Variants in GAD2 observed in about 807,000 individuals in gnomAD.
The protein encoded by GAD2 is 65 kDa glutamic acid decarboxylase.
Under a neutral mutation model 80.1 loss-of-function variants are expected in GAD2, and 22 were observed. The observed-to-expected ratio is 0.27, with a 90% CI of 0.20 to 0.39. GAD2 has a LOEUF of 0.39. Ranked by LOEUF, GAD2 falls within the 10% of genes least tolerant of loss-of-function variation. The pLI, the probability that GAD2 is intolerant of heterozygous loss-of-function variation, is 1.00. For synonymous variants in GAD2, 274 were observed against 256.9 expected (o/e 1.07, Z -0.64); for missense variants, 624 against 738.4 (o/e 0.85, Z 1.80).
intron 15 of GAD2, among the ~76,000 whole-genome samples, chr10:26,298,225 G>A (rs61839388): frequency 0.22 from 34,133 of 152,044 alleles, 4,188 homozygotes; most frequent in African/African-American, 0.32. Flanking sequence ...GCCAGGCCTT[G>A]AACCCTGGAC....
Position 26,256,691 on chromosome 10 carries a change from T to C in GAD2, c.920+10691T>C, listed in dbSNP as rs573208624. On this transcript the variant is annotated intron_variant, in intron 8 of 15. Coordinates refer to ENST00000376261, the MANE Select transcript of GAD2 (RefSeq NM_001134366.2). ...GCTTAGGACTTTCAGGAGGTGAAGT[T>C]TGGCTTTCTTGAGTGCATCTCATCT... Among the ~76,000 whole-genome samples the C allele has an allele frequency of 2.0e-5, 3 of 152,360 alleles. No homozygotes were observed. In the East Asian group the frequency reaches 5.8e-4, roughly 29 times the overall value.
At chr10:26,226,048 C>A (rs1326670444) in intron 6 of GAD2, among the ~76,000 whole-genome samples, 5 of 152,082 alleles carry the variant, frequency 3.3e-5, no homozygotes, top group African/African-American at 1.2e-4. Context: ...TTGATCTGTC[C>A]CTGAGATGAA....
intron 4 of GAD2, 46 bp downstream of exon 4, chr10:26,219,322 T>C: frequency 8.3e-7 from 1 of 1,211,162 alleles, no homozygotes; most frequent in East Asian, 2.5e-5. Context: ...CGTTTACAAT[T>C]TTTATTTTAT....
intron 8 of GAD2, among the ~76,000 whole-genome samples, chr10:26,259,988 A>C (rs1282357778): frequency 6.6e-6 from 1 of 152,178 alleles, no homozygotes; most frequent in African/African-American, 2.4e-5. Flanking sequence ...AAATAAAAGA[A>C]CCTAGATATA....
intron 7 of GAD2, among the ~76,000 whole-genome samples, chr10:26,234,020 A>G (rs1844638725): frequency 6.6e-6 from 1 of 151,982 alleles, no homozygotes; most frequent in African/African-American, 2.4e-5. Flanking sequence ...AATATCAACC[A>G]ACTTTAAAAA....
chr10:26,225,741 GT>G (rs1394155273), intron 6 of GAD2, among the ~76,000 whole-genome samples: 1 of 152,216 alleles, frequency 6.6e-6, no homozygotes, highest in Non-Finnish European at 1.5e-5. Context: ...TATTTTATGT[GT>G]TTAAATATAT....
intron 3 of GAD2, among the ~76,000 whole-genome samples, chr10:26,218,542 C>CTG (rs1016145558): frequency 9.0e-5 from 9 of 99,792 alleles, no homozygotes; most frequent in Admixed American, 6.9e-4. Context: ...TACGCTCTCT[C>CTG]TCTCTCTCTC....
chr10:26,254,374 C>T (rs1338385569), intron 8 of GAD2, among the ~76,000 whole-genome samples: 1 of 152,224 alleles, frequency 6.6e-6, no homozygotes, highest in African/African-American at 2.4e-5. Flanking sequence ...GGTTCCTGCT[C>T]CTATGAGAAT....
chr10:26,304,089 A>T lies in GAD2; in HGVS notation c.*3128A>T, dbSNP rs1264158169. The T allele has an allele frequency of 6.6e-6, 1 of 152,232 alleles. No individual in the cohort carries two copies. The highest frequency in any genetic ancestry group is 1.5e-5 in the Non-Finnish European group (1 of 68,038). The allele number at this position is 152,232 out of a possible 1,614,324, so 9.4% of individuals were successfully genotyped here. ...AGAAACTTCCTTTGAGAATTGTGCGACTTCACAAAATGCAAGGTGAACACC... is the reference window on the plus strand; with the variant it reads ...AGAAACTTCCTTTGAGAATTGTGCGTCTTCACAAAATGCAAGGTGAACACC... On this transcript the variant is annotated 3_prime_UTR_variant, in exon 16 of 16. Coordinates refer to ENST00000376261, the MANE Select transcript of GAD2 (RefSeq NM_001134366.2).
At chr10:26,287,306 G>C (rs757050229) in intron 13 of GAD2, among the ~76,000 whole-genome samples, 1 of 152,194 alleles carries the variant, frequency 6.6e-6, no homozygotes, top group Non-Finnish European at 1.5e-5. Context: ...CAAAAAGAGA[G>C]TTCGAGGAAA....
Position 26,219,056 on chromosome 10 carries a change from G to A in GAD2, c.300G>A (p.Ala100=), listed in dbSNP as rs1564654580. 2.5e-6 allele frequency: 4 copies of A among 1,578,734 alleles called. No homozygotes were observed. The highest frequency in any genetic ancestry group is 2.3e-5 in the East Asian group (1 of 43,974). Residue 100 remains alanine, a synonymous_variant, in exon 4 of 16, where the codon GCG becomes GCA. Coordinates refer to ENST00000376261, the MANE Select transcript of GAD2 (RefSeq NM_001134366.2). Reference sequence around the variant, plus strand: ...TTCATTCTTTAGACCTGCTGCCGGCGTGTGATGGAGAAAGGCCCACTTTGG... The same window carrying A: ...TTCATTCTTTAGACCTGCTGCCGGCATGTGATGGAGAAAGGCCCACTTTGG... ...AFLHATDLLP[A]CDGERPTLAF... is the part of the protein sequence containing the mutation.
intron 11 of GAD2, among the ~76,000 whole-genome samples, chr10:26,276,964 G>A (rs992234026): frequency 2.0e-5 from 3 of 152,230 alleles, no homozygotes; most frequent in African/African-American, 4.8e-5. Flanking sequence ...TCTTCAAGGA[G>A]TTCAGAATCT....
At chr10:26,300,759 T>C in intron 15 of GAD2, 29 bp from the exon 16 acceptor site, 1 of 1,604,436 alleles carries the variant, frequency 6.2e-7, no homozygotes, top group South Asian at 1.1e-5. Flanking sequence ...CAGGAGAAAG[T>C]CACCATGCTG....
chr10:26,301,033 T>C lies in GAD2; in HGVS notation c.*72T>C. On this transcript the variant is annotated 3_prime_UTR_variant, in exon 16 of 16. Coordinates refer to ENST00000376261, the MANE Select transcript of GAD2 (RefSeq NM_001134366.2). ...GTTGTCACAAACTGTGTGAATGTAT[T>C]TGTAGTTTGTTCCAAAGTAAATCTA... 7.8e-7 allele frequency: 1 copy of C among 1,283,216 alleles called. No individual in the cohort carries two copies. Among genetic ancestry groups the C allele is most frequent in the East Asian group, 2.3e-5 (1 of 43,004 alleles). 79.5% of individuals were successfully genotyped at this position (1,283,216 alleles called of 1,614,324 possible). A position where few individuals can be genotyped will look rare whatever the true frequency, so the allele number is the denominator to read the frequency against.
At position 26,301,172 on chromosome 10, in the gene GAD2, G is replaced by T. The variant is rs894969577; in HGVS notation, c.*211G>T. ...CCTCTCTAAGAATTCGTGACAAAAG[G>T]CTATGTTCTAATCAATAAGGAAAAG... On this transcript the variant is annotated 3_prime_UTR_variant, in exon 16 of 16. Transcript: ENST00000376261. The T allele has an allele frequency of 2.1e-5, 11 of 525,202 alleles. 1 individual carries two copies. The South Asian group carries it at 2.1e-4, about 10-fold the overall frequency. The allele number at this position is 525,202 out of a possible 1,614,324, so 32.5% of individuals were successfully genotyped here. A position where few individuals can be genotyped will look rare whatever the true frequency, so the allele number is the denominator to read the frequency against.
In GAD2 at chr10:26,217,987, A is replaced by T; in HGVS notation, c.282A>T (p.Ala94=). ...ATGTCAACTACGCGTTTCTCCATGC[A>T]ACAGGTAAAGACTCAGCGGGGAGCC... ...KVDVNYAFLH[A]TDLLPACDGE... Residue 94 remains alanine (A), a synonymous_variant, in exon 3 of 16, where the codon GCA becomes GCT. Transcript: ENST00000376261. The surrounding 1 kb of genome is among the most constrained non-coding windows in gnomAD (Gnocchi z 4.9). The T allele has an allele frequency of 6.2e-7, 1 of 1,609,260 alleles. No homozygotes were observed. Among genetic ancestry groups the T allele is most frequent in the Non-Finnish European group, 8.5e-7 (1 of 1,177,972 alleles).
chr10:26,236,705 G>A (rs74454070), intron 7 of GAD2, among the ~76,000 whole-genome samples: 1 of 152,230 alleles, frequency 6.6e-6, no homozygotes, highest in Non-Finnish European at 1.5e-5. Flanking sequence ...AAACAGGGCT[G>A]TTTGGGCAAT....
In GAD2 at chr10:26,217,570, C is replaced by G; in HGVS notation, c.77-40C>G. The G allele has an allele frequency of 6.3e-7, 1 of 1,586,998 alleles. No homozygotes were observed. Among genetic ancestry groups the G allele is most frequent in the Non-Finnish European group, 8.6e-7 (1 of 1,163,706 alleles). On this transcript the variant is annotated intron_variant, in intron 1 of 15. Coordinates refer to ENST00000376261, the MANE Select transcript of GAD2 (RefSeq NM_001134366.2). The surrounding 1 kb of genome is among the most constrained non-coding windows in gnomAD (Gnocchi z 4.9). ...ATTTCACACGTCCGTCTGTTGTTCT[C>G]TTTCTGCCTCGCTGTCTGCCTGCCT...
intron 12 of GAD2, among the ~76,000 whole-genome samples, chr10:26,284,516 T>C (rs1845307102): frequency 6.7e-6 from 1 of 150,262 alleles, no homozygotes; most frequent in Non-Finnish European, 1.5e-5. Context: ...GAAAACAGCA[T>C]CACTTTTGCT....
Sources: gnomAD v4.1 joint callset for allele counts (sites outside exome capture counted in the v4.1 genomes callset) on GRCh38, gnomAD v4.1.1 for gene constraint, Gnocchi (gnomAD v3.1) non-coding constraint, MANE v1.5 for transcripts, NCBI Gene and HGNC (gene_info 2026-07-23, HGNC 2026-07-21) for gene names.